IGSF3: variants seen among roughly 807,000 people sequenced by gnomAD.
IGSF3 encodes the protein glu-Trp-Ile EWI motif-containing protein 3.
Under a neutral mutation model 114.4 loss-of-function variants are expected in IGSF3, and 23 were observed. That is an observed-to-expected ratio of 0.20 (90% confidence interval 0.14 to 0.28). The LOEUF (loss-of-function observed/expected upper bound fraction) is 0.28. IGSF3 is among the 10% of genes least tolerant of loss of function. IGSF3 has a pLI of 1.00. For missense variants in IGSF3, 1,172 were observed against 1,591.5 expected, an observed-to-expected ratio of 0.74 and a Z score of 4.48; for synonymous variants, 571 against 645.2, an observed-to-expected ratio of 0.88 and a Z score of 1.74.
Position 116,629,217 on chromosome 1 carries a change from G to T in IGSF3, c.44-12760C>A, listed in dbSNP as rs1647444550. Among the ~76,000 whole-genome samples the T allele has an allele frequency of 6.6e-6, 1 of 152,164 alleles. No individual in the cohort carries two copies. The highest frequency in any genetic ancestry group is 6.5e-5 in the Admixed American group (1 of 15,282). On this transcript the variant is annotated intron_variant, in intron 2 of 10. Coordinates refer to ENST00000369486, the MANE Select transcript of IGSF3 (RefSeq NM_001007237.3). The surrounding 1 kb of genome is among the most constrained non-coding windows in gnomAD (Gnocchi z 4.3). ...ACAATATTTATGAACACCTAAAAATGCTGAAAGCACACTACTAAGTAAAAG... is the reference window on the plus strand; with the variant it reads ...ACAATATTTATGAACACCTAAAAATTCTGAAAGCACACTACTAAGTAAAAG...
Position 116,608,220 on chromosome 1 carries a change from G to A in IGSF3, c.944C>T (p.Ala315Val). Residue 315 changes from alanine (A) to valine (V), a missense_variant, in exon 5 of 11, where the codon GCT (alanine) becomes GTT (valine). Around this residue, in one of 3 missense-constraint regions of IGSF3, gnomAD observed 736 missense variants for 1,042.0 expected, o/e 0.71. Transcript: ENST00000369486. ...EAQNVPDRYFAVSWAFNSSLI... is the reference protein window; with the variant it reads ...EAQNVPDRYFVVSWAFNSSLI... ...CGAGCTGTTGAAGGCCCAGGAGACA[G>A]CAAAGTAACGGTCGGGAACATTCTG... 6.2e-7 allele frequency: 1 copy of A among 1,609,530 alleles called. No individual in the cohort carries two copies. The highest frequency in any genetic ancestry group is 1.1e-5 in the South Asian group (1 of 90,850).
intron 6 of IGSF3, among the ~76,000 whole-genome samples, chr1:116,602,054 G>A (rs1660614551): frequency 6.6e-6 from 1 of 152,222 alleles, no homozygotes; most frequent in African/African-American, 2.4e-5. Flanking sequence ...GTGTGTCATT[G>A]TTAACTTTAG....
Position 116,579,678 on chromosome 1 carries a change from C to CTCA in IGSF3, c.3047_3048insTGA (p.Glu1015_Glu1016insAsp), listed in dbSNP as rs1557853328. On this transcript the variant is annotated inframe_insertion, in exon 10 of 11. Transcript: ENST00000369486. The surrounding 1 kb of genome is among the most constrained non-coding windows in gnomAD (Gnocchi z 6.4). ...CGTCGTCGTCGTCGTCCTCCTCCTC[C>CTCA]TCCTCCTCCCTTTCCTCTTCCTGTT... 3 of 1,613,514 alleles carry CTCA rather than the reference C, an allele frequency of 1.9e-6. No homozygotes were observed. The highest frequency in any genetic ancestry group is 1.7e-6 in the Non-Finnish European group (2 of 1,179,610).
intron 2 of IGSF3, among the ~76,000 whole-genome samples, chr1:116,653,342 A>C (rs1376001201): frequency 6.6e-6 from 1 of 152,210 alleles, no homozygotes; most frequent in Non-Finnish European, 1.5e-5. Flanking sequence ...GTGTTGAATA[A>C]ATGATGACAA....
Position 116,607,851 on chromosome 1 carries a change from C to G in IGSF3, c.1222+91G>C. On this transcript the variant is annotated intron_variant, in intron 5 of 10. Transcript: ENST00000369486. The surrounding 1 kb of genome is among the most constrained non-coding windows in gnomAD (Gnocchi z 6.1). The stretch of plus-strand genomic sequence containing the variant: ...AACCTCGAGGGTTCCATCTGCCTCC[C>G]CTCACCTTCACCACGCTATTCTCTC... The G allele has an allele frequency of 7.6e-7, 1 of 1,313,092 alleles. No homozygotes were observed. The allele number at this position is 1,313,092 out of a possible 1,614,324, so 81.3% of individuals were successfully genotyped here. A position where few individuals can be genotyped will look rare whatever the true frequency, so the allele number is the denominator to read the frequency against.
rs576924018 is a variant in IGSF3, at chr1:116,650,263, C to G, written c.43+16021G>C. On this transcript the variant is annotated intron_variant, in intron 2 of 10. Transcript: ENST00000369486. This position sits in a 1 kb window ranked among gnomAD's most constrained non-coding sequence, Gnocchi z 5.0. Reference sequence around the variant, plus strand: ...GATTGGACTGTTCAGTCTTCAGGGGCTTGGCCCTCAGGGTTTTTCCCATCT... The same window carrying G: ...GATTGGACTGTTCAGTCTTCAGGGGGTTGGCCCTCAGGGTTTTTCCCATCT... Among the ~76,000 whole-genome samples, 2 of 152,334 alleles carry G rather than the reference C, an allele frequency of 1.3e-5. No individual in the cohort carries two copies. Among genetic ancestry groups the G allele is most frequent in the African/African-American group, 4.8e-5 (2 of 41,578 alleles).
intron 2 of IGSF3, among the ~76,000 whole-genome samples, chr1:116,663,918 C>T (rs749791511): frequency 2.1e-4 from 32 of 152,296 alleles, no homozygotes; most frequent in African/African-American, 5.3e-4. Flanking sequence ...TGGGATTCTT[C>T]GCTGTTTTAA....
In IGSF3 at chr1:116,629,753, T is replaced by C. The variant is rs1647471479; in HGVS notation, c.44-13296A>G. On this transcript the variant is annotated intron_variant, in intron 2 of 10. Coordinates refer to ENST00000369486, the MANE Select transcript of IGSF3 (RefSeq NM_001007237.3). This position sits in a 1 kb window ranked among gnomAD's most constrained non-coding sequence, Gnocchi z 4.3. ...TGCACAAGGGCCTGGTTGAACAGGT[T>C]TGACCTCATTTACTTTTTCTTAAAG... Among the ~76,000 whole-genome samples the C allele has an allele frequency of 6.6e-6, 1 of 152,266 alleles. No individual in the cohort carries two copies. The highest frequency in any genetic ancestry group is 2.4e-5 in the African/African-American group (1 of 41,466).
At chr1:116,659,583 C>G (rs922738118) in intron 2 of IGSF3, among the ~76,000 whole-genome samples, 2 of 152,040 alleles carry the variant, frequency 1.3e-5, no homozygotes, top group African/African-American at 4.8e-5. Context: ...CCACTCATGG[C>G]AAATGAGGAA....
In IGSF3 at chr1:116,584,179, G is replaced by C. The variant is rs184833273; in HGVS notation, c.2848+466C>G. Among the ~76,000 whole-genome samples, 11 of 139,908 alleles carry C rather than the reference G, an allele frequency of 7.9e-5. No homozygotes were observed. Among genetic ancestry groups the C allele is most frequent in the Admixed American group, 6.2e-4 (9 of 14,446 alleles). 91.8% of individuals were successfully genotyped at this position (139,908 alleles called of 152,430 possible). ...ACTCTGCACTCCAGCCTGGGTGACA[G>C]AGTGAGACTCCGTTTCAAAAAAAAA... On this transcript the variant is annotated intron_variant, in intron 9 of 10. Coordinates refer to ENST00000369486, the MANE Select transcript of IGSF3 (RefSeq NM_001007237.3). This position sits in a 1 kb window ranked among gnomAD's most constrained non-coding sequence, Gnocchi z 5.8.
rs145008526 is a variant in IGSF3 at position 116,603,940 on chromosome 1, C to T, written c.1308G>A (p.Thr436=). The T allele has an allele frequency of 4.0e-4, 644 of 1,613,904 alleles. 2 individuals are homozygous for T. In the African/African-American group the frequency reaches 7.5e-3, roughly 19 times the overall value. ...AGAAGCGACCCTGCGGCCTGCCTGC[C>T]GTGCGGACACTGCAGGAGAAGCGCA... ...EDLRFSCSVR[T]AGRPQGRFSV... Residue 436 remains threonine (T), a synonymous_variant, in exon 6 of 11, where the codon ACG becomes ACA. Coordinates refer to ENST00000369486, the MANE Select transcript of IGSF3 (RefSeq NM_001007237.3). This position sits in a 1 kb window ranked among gnomAD's most constrained non-coding sequence, Gnocchi z 7.1.
chr1:116,579,506 C>T lies in IGSF3; in HGVS notation c.3220G>A (p.Asp1074Asn). Residue 1074 changes from aspartate (D) to asparagine (N), a missense_variant, in exon 10 of 11, where the codon GAT becomes AAT. Physicochemically the swap from Asp to Asn is conservative, Grantham distance 23. Coordinates refer to ENST00000369486, the MANE Select transcript of IGSF3 (RefSeq NM_001007237.3). The surrounding 1 kb of genome is among the most constrained non-coding windows in gnomAD (Gnocchi z 6.4). ...RLTVLQASPQ[D>N]TGNYSCHVEE... The stretch of plus-strand genomic sequence containing the variant: ...ACATGGCAGGAGTAATTGCCTGTAT[C>T]TTGGGGGCTTGCCTGCAGCACTGTG... 6.2e-7 allele frequency: 1 copy of T among 1,614,100 alleles called. No individual in the cohort carries two copies. The highest frequency in any genetic ancestry group is 8.5e-7 in the Non-Finnish European group (1 of 1,180,022).
intron 2 of IGSF3, among the ~76,000 whole-genome samples, chr1:116,639,705 G>A (rs1647995613): frequency 6.6e-6 from 1 of 152,280 alleles, no homozygotes; most frequent in Admixed American, 6.5e-5. Flanking sequence ...AAAATATCAG[G>A]AGTCACTGGC....
In IGSF3 at chr1:116,579,433, T is replaced by C; in HGVS notation, c.3293A>G (p.Glu1098Gly). The C allele has an allele frequency of 1.2e-6, 2 of 1,602,346 alleles. No individual in the cohort carries two copies. The highest frequency in any genetic ancestry group is 1.7e-6 in the Non-Finnish European group (2 of 1,173,228). Residue 1098 changes from glutamate to glycine, a missense_variant, in exon 10 of 11, where the codon GAG becomes GGG. By Grantham distance (98) the Glu-to-Gly change is moderately conservative. Around this residue, in one of 3 missense-constraint regions of IGSF3, gnomAD observed 423 missense variants for 509.8 expected, o/e 0.83. Transcript: ENST00000369486. The surrounding 1 kb of genome is among the most constrained non-coding windows in gnomAD (Gnocchi z 6.4). ...GATGCCGATGGGGGCTGACTCCTCC[T>C]CCGTCAGCCGGTACCATTCCTTCTG... is the stretch of plus-strand genomic sequence containing the variant. ...SPQKEWYRLT[E>G]EESAPIGIRV... is the part of the protein sequence containing the mutation.
chr1:116,651,630 T>G lies in IGSF3; in HGVS notation c.43+14654A>C, dbSNP rs1648639655. On this transcript the variant is annotated intron_variant, in intron 2 of 10. Coordinates refer to ENST00000369486, the MANE Select transcript of IGSF3 (RefSeq NM_001007237.3). The surrounding 1 kb of genome is among the most constrained non-coding windows in gnomAD (Gnocchi z 4.4). ...CAATACATATTGACTGAGCAACTAT[T>G]AGGTTGAACTATGTGACATTATTGA... 1.3e-5 allele frequency among the ~76,000 whole-genome samples: 2 copies of G among 152,232 alleles called. No homozygotes were observed. Among genetic ancestry groups the G allele is most frequent in the Non-Finnish European group, 2.9e-5 (2 of 68,036 alleles).
rs1262898574 is a variant in IGSF3 at position 116,603,607 on chromosome 1, T to C, written c.1624+17A>G. 3 of 1,607,562 alleles carry C rather than the reference T, an allele frequency of 1.9e-6. No homozygotes were observed. The highest frequency in any genetic ancestry group is 3.3e-5 in the Admixed American group (2 of 59,858). On this transcript the variant is annotated intron_variant, in intron 6 of 10. Coordinates refer to ENST00000369486, the MANE Select transcript of IGSF3 (RefSeq NM_001007237.3). This position sits in a 1 kb window ranked among gnomAD's most constrained non-coding sequence, Gnocchi z 7.1. ...GTCTCCATGCCAGACCCACTGCCAG[T>C]CCCACCGCTCACTCACCAAGAGCTG...
chr1:116,584,959 C>T lies in IGSF3; in HGVS notation c.2534G>A (p.Ser845Asn), dbSNP rs768980334. The change falls in exon 9 of 11, where the codon AGC becomes AAC. Residue 845 changes from serine (S) to asparagine (N), a missense_variant. Physicochemically the swap from Ser to Asn is conservative, Grantham distance 46. This residue lies in a region of IGSF3 where 423 missense variants were observed against 509.8 expected (regional missense o/e 0.83). Coordinates refer to ENST00000369486, the MANE Select transcript of IGSF3 (RefSeq NM_001007237.3). The surrounding 1 kb of genome is among the most constrained non-coding windows in gnomAD (Gnocchi z 5.8). ...QLECVVLNRT[S>N]ITSQLMVEWF... Reference sequence around the variant, plus strand: ...TTCCACCATGAGCTGGGAGGTTATGCTGGTGCGGTTGAGAACCACACACTC... The same window carrying T: ...TTCCACCATGAGCTGGGAGGTTATGTTGGTGCGGTTGAGAACCACACACTC... The T allele has an allele frequency of 2.5e-6, 4 of 1,611,214 alleles. No homozygotes were observed. The highest frequency in any genetic ancestry group is 1.1e-5 in the South Asian group (1 of 90,898).
rs543412390 is a variant in IGSF3, at chr1:116,654,817, G to C, written c.43+11467C>G. Among the ~76,000 whole-genome samples the C allele has an allele frequency of 6.6e-6, 1 of 152,094 alleles. No homozygotes were observed. Among genetic ancestry groups the C allele is most frequent in the Non-Finnish European group, 1.5e-5 (1 of 68,008 alleles). On this transcript the variant is annotated intron_variant, in intron 2 of 10. Coordinates refer to ENST00000369486, the MANE Select transcript of IGSF3 (RefSeq NM_001007237.3). This position sits in a 1 kb window ranked among gnomAD's most constrained non-coding sequence, Gnocchi z 4.4. ...AGGACGTTCCACACACCCAGGACTT[G>C]GGATATTTGTGTATTTTCAAGAATA...
In IGSF3 at chr1:116,665,733, G is replaced by A. The variant is rs904891117; in HGVS notation, c.43+551C>T. ...CAGAACTACGATCTAAGCTTCCTTG[G>A]TGAGGAGACACAGGACTAGTGCCCT... On this transcript the variant is annotated intron_variant, in intron 2 of 10. Coordinates refer to ENST00000369486, the MANE Select transcript of IGSF3 (RefSeq NM_001007237.3). This position sits in a 1 kb window ranked among gnomAD's most constrained non-coding sequence, Gnocchi z 4.0. 2.6e-5 allele frequency among the ~76,000 whole-genome samples: 4 copies of A among 152,106 alleles called. No homozygotes were observed. The highest frequency in any genetic ancestry group is 9.7e-5 in the African/African-American group (4 of 41,414).
Sources: gnomAD v4.1 joint callset for allele counts (sites outside exome capture counted in the v4.1 genomes callset) on GRCh38, gnomAD v4.1.1 for gene constraint, gnomAD v4.1.1 regional missense constraint, Gnocchi (gnomAD v3.1) non-coding constraint, MANE v1.5 for transcripts, NCBI Gene and HGNC (gene_info 2026-07-23, HGNC 2026-07-21) for gene names.